ABHD17C: variants seen among roughly 807,000 people sequenced by gnomAD.
The protein encoded by ABHD17C is alpha/beta hydrolase domain-containing protein 17C.
In ABHD17C, 11 loss-of-function variants were observed where a neutral mutation model predicts 27.9. The observed-to-expected ratio is 0.39, with a 90% confidence interval of 0.25 to 0.65. The LOEUF is 0.65. Ranked by LOEUF, ABHD17C falls within the 30% of genes least tolerant of loss-of-function variation. The pLI, the probability that ABHD17C is intolerant of heterozygous loss-of-function variation, is 0.45. For synonymous variants in ABHD17C, 233 were observed against 209.1 expected, an observed-to-expected ratio of 1.11 and a Z score of -0.98; for missense variants, 280 against 470.2, an observed-to-expected ratio of 0.60 and a Z score of 3.74.
At chr15:80,710,589 G>A (rs539472134) in intron 1 of ABHD17C, among the ~76,000 whole-genome samples, 2 of 152,276 alleles carry the variant, frequency 1.3e-5, no homozygotes, top group South Asian at 4.1e-4. Context: ...GTGAGATTTT[G>A]GATGTATTTG....
intron 1 of ABHD17C, among the ~76,000 whole-genome samples, chr15:80,717,832 G>C (rs929274280): frequency 1.3e-5 from 2 of 152,170 alleles, no homozygotes; most frequent in African/African-American, 4.8e-5. Flanking sequence ...TTCCTGGGGA[G>C]CTTAAGATGC....
intron 1 of ABHD17C, among the ~76,000 whole-genome samples, chr15:80,699,900 C>G (rs1412508910): frequency 6.6e-6 from 1 of 152,012 alleles, no homozygotes; most frequent in Non-Finnish European, 1.5e-5. Flanking sequence ...ATGGAGAGCC[C>G]CAAGATCAAA....
chr15:80,705,958 CT>C (rs1396699286), intron 1 of ABHD17C, among the ~76,000 whole-genome samples: 2 of 152,216 alleles, frequency 1.3e-5, no homozygotes, highest in Non-Finnish European at 2.9e-5. Context: ...TGCCCCTCCA[CT>C]TTGCACTTTT....
In ABHD17C at chr15:80,711,822, GCTAA is replaced by G. The variant is rs550118736; in HGVS notation, c.590+15813_590+15816del. On this transcript the variant is annotated intron_variant, in intron 1 of 2. Transcript: ENST00000258884. ...TTTACATTTGCTAAAGAACTGCAAA[GCTAA>G]CTAACTAACACACCAAACAATTGGA... is the stretch of plus-strand genomic sequence containing the variant. 3.7e-4 allele frequency among the ~76,000 whole-genome samples: 57 copies of G among 152,300 alleles called. No individual in the cohort carries two copies. The South Asian group carries it at 5.8e-3, about 16-fold the overall frequency.
intron 1 of ABHD17C, 119 bp downstream of exon 1, chr15:80,696,138 A>G (rs955501222): frequency 9.3e-7 from 1 of 1,072,400 alleles, no homozygotes; most frequent in Non-Finnish European, 1.3e-6. Context: ...GCTGAGGGCC[A>G]GCGGAGAGCC....
At chr15:80,748,229 G>T (rs1895316787) in intron 1 of ABHD17C, among the ~76,000 whole-genome samples, 1 of 152,190 alleles carries the variant, frequency 6.6e-6, no homozygotes, top group Non-Finnish European at 1.5e-5. Flanking sequence ...ATCAGCTGTG[G>T]ATTGATAGTT....
At chr15:80,710,260 G>A (rs1173068186) in intron 1 of ABHD17C, among the ~76,000 whole-genome samples, 1 of 152,214 alleles carries the variant, frequency 6.6e-6, no homozygotes, top group Non-Finnish European at 1.5e-5. Context: ...GGGCAAGTAA[G>A]GGGTGCAGGG....
At chr15:80,743,384 T>G (rs560498866) in intron 1 of ABHD17C, among the ~76,000 whole-genome samples, 1 of 152,238 alleles carries the variant, frequency 6.6e-6, no homozygotes, top group African/African-American at 2.4e-5. Flanking sequence ...AATGTTTACT[T>G]TTAAAATGCT....
intron 1 of ABHD17C, among the ~76,000 whole-genome samples, chr15:80,720,165 T>A (rs990297001): frequency 6.6e-6 from 1 of 152,124 alleles, no homozygotes; most frequent in African/African-American, 2.4e-5. Context: ...TGTTTCTGTC[T>A]TCTTTGTTAC....
At chr15:80,746,400 G>A (rs1895284654) in intron 1 of ABHD17C, among the ~76,000 whole-genome samples, 1 of 151,748 alleles carries the variant, frequency 6.6e-6, no homozygotes, top group Non-Finnish European at 1.5e-5. Flanking sequence ...GTCTTCTGAT[G>A]ACCGGAAGTT....
intron 1 of ABHD17C, among the ~76,000 whole-genome samples, chr15:80,702,026 C>A (rs773453960): frequency 1.7e-4 from 26 of 152,180 alleles, no homozygotes; most frequent in Non-Finnish European, 2.1e-4. Flanking sequence ...TTTACTTACC[C>A]GTGGTTCTGT....
At position 80,706,703 on chromosome 15, in the gene ABHD17C, T is replaced by C. The variant is rs917986078; in HGVS notation, c.590+10684T>C. 5.9e-5 allele frequency among the ~76,000 whole-genome samples: 9 copies of C among 152,342 alleles called. No individual in the cohort carries two copies. In the East Asian group the frequency reaches 1.7e-3, roughly 29 times the overall value. The stretch of plus-strand genomic sequence containing the variant: ...CTCAGACTGTTTTTGGAGACTGTCA[T>C]GGACATAACTAAACCCTGTGCAGTG... On this transcript the variant is annotated intron_variant, in intron 1 of 2. Transcript: ENST00000258884.
At chr15:80,741,450 A>G (rs1232935745) in intron 1 of ABHD17C, among the ~76,000 whole-genome samples, 1 of 151,132 alleles carries the variant, frequency 6.6e-6, no homozygotes, top group Non-Finnish European at 1.5e-5. Context: ...TAAGTTGAGA[A>G]CTTCCTATTC....
chr15:80,710,448 C>T (rs928283226), intron 1 of ABHD17C, among the ~76,000 whole-genome samples: 5 of 152,156 alleles, frequency 3.3e-5, no homozygotes, highest in Non-Finnish European at 5.9e-5. Flanking sequence ...GGAAGGATCA[C>T]TCTGTGTTAA....
intron 1 of ABHD17C, among the ~76,000 whole-genome samples, chr15:80,737,359 A>G (rs1247716429): frequency 6.6e-6 from 1 of 152,236 alleles, no homozygotes; most frequent in Non-Finnish European, 1.5e-5. Context: ...GTTCCTGTCT[A>G]GATCCCCAAG....
At chr15:80,741,463 T>G (rs1009457995) in intron 1 of ABHD17C, among the ~76,000 whole-genome samples, 1 of 151,396 alleles carries the variant, frequency 6.6e-6, no homozygotes, top group African/African-American at 2.4e-5. Context: ...TCCTATTCAC[T>G]TAAAGGAAGC....
intron 1 of ABHD17C, among the ~76,000 whole-genome samples, chr15:80,734,388 G>A (rs1280783534): frequency 6.6e-6 from 1 of 152,168 alleles, no homozygotes; most frequent in African/African-American, 2.4e-5. Context: ...TAGAGAGAAG[G>A]CAGCATTTTC....
At chr15:80,722,403 CTG>C (rs1894909333) in intron 1 of ABHD17C, among the ~76,000 whole-genome samples, 2 of 150,488 alleles carry the variant, frequency 1.3e-5, no homozygotes, top group African/African-American at 2.4e-5. Context: ...CTTTGTTGCG[CTG>C]TGATTGACAT....
rs781014658 is a variant in ABHD17C, at chr15:80,695,423, C to T, written c.-7C>T. On this transcript the variant is annotated 5_prime_UTR_variant, in exon 1 of 3. Coordinates refer to ENST00000258884, the MANE Select transcript of ABHD17C (RefSeq NM_021214.2). The surrounding 1 kb of genome is among the most constrained non-coding windows in gnomAD (Gnocchi z 4.3). ...GCCGGGCCGGCGGCGGGCACCAGGC[C>T]GTCCCGATGCCCGAGCCAGGCCCCA... 8.4e-6 allele frequency: 11 copies of T among 1,308,920 alleles called. No homozygotes were observed. In the South Asian group the frequency reaches 1.2e-4, roughly 14 times the overall value. 81.1% of individuals were successfully genotyped at this position (1,308,920 alleles called of 1,614,324 possible). A position where few individuals can be genotyped will look rare whatever the true frequency, so the allele number is the denominator to read the frequency against.
Sources: gnomAD v4.1 joint callset for allele counts (sites outside exome capture counted in the v4.1 genomes callset) on GRCh38, gnomAD v4.1.1 for gene constraint, Gnocchi (gnomAD v3.1) non-coding constraint, MANE v1.5 for transcripts, NCBI Gene and HGNC (gene_info 2026-07-23, HGNC 2026-07-21) for gene names.